The following ZRANB3 variants were observed in gnomAD, a reference collection of about 807,000 sequenced individuals.
ZRANB3 encodes the protein DNA annealing helicase and endonuclease ZRANB3.
ZRANB3 carries 125 observed loss-of-function variants against 133.8 expected under a neutral mutation model. The observed-to-expected ratio is 0.93, with a 90% CI of 0.81 to 1.08. ZRANB3 has a LOEUF of 1.08. Among genes scored for constraint, ZRANB3 ranks in the 50% least tolerant of loss-of-function variants. The pLI, the probability that ZRANB3 is intolerant of heterozygous loss-of-function variation, is 0.00. For synonymous variants in ZRANB3, 387 were observed against 432.7 expected (o/e 0.89, Z 1.31); for missense variants, 1,229 against 1,275.5 (o/e 0.96, Z 0.56).
chr2:135,405,563 G>C (rs1281446991), intron 2 of ZRANB3, among the ~76,000 whole-genome samples: 2 of 152,118 alleles, frequency 1.3e-5, no homozygotes, highest in African/African-American at 2.4e-5. Flanking sequence ...TGACCACATA[G>C]TTGGAAGTAA....
chr2:135,334,710 A>G (rs1279704485), intron 6 of ZRANB3, among the ~76,000 whole-genome samples: 1 of 151,976 alleles, frequency 6.6e-6, no homozygotes, highest in Non-Finnish European at 1.5e-5. Flanking sequence ...CCTGGCTAAC[A>G]TGGTGAAACC....
intron 3 of ZRANB3, among the ~76,000 whole-genome samples, chr2:135,377,792 C>T: frequency 6.6e-6 from 1 of 152,158 alleles, no homozygotes; most frequent in Non-Finnish European, 1.5e-5. Flanking sequence ...CTGAAGGATA[C>T]AAAGTATTGA....
rs145180397 is a variant in ZRANB3 at position 135,343,359 on chromosome 2, A to G, written c.677+2191T>C. ...TTCCTAATGTGAATGCCATTTGCAT[A>G]TAATCAATATATTAGGTTTTTAATG... On this transcript the variant is annotated intron_variant, in intron 6 of 20. Transcript: ENST00000264159. Among the ~76,000 whole-genome samples, 51 of 150,092 alleles carry G rather than the reference A, an allele frequency of 3.4e-4. 2 individuals carry two copies. The highest frequency in any genetic ancestry group is 1.2e-3 in the African/African-American group (46 of 39,446).
Position 135,422,845 on chromosome 2 carries a change from G to A in ZRANB3, c.162-32025C>T, listed in dbSNP as rs565708494. Among the ~76,000 whole-genome samples, 11 of 152,262 alleles carry A rather than the reference G, an allele frequency of 7.2e-5. No homozygotes were observed. The South Asian group carries it at 2.1e-3, about 29-fold the overall frequency. ...GAAGTCTGACTTTCTTCTCTAGAGA[G>A]GCTGAAACAGAGTATTTTAGTTTCC... On this transcript the variant is annotated intron_variant, in intron 2 of 20. Coordinates refer to ENST00000264159, the MANE Select transcript of ZRANB3 (RefSeq NM_032143.4).
At chr2:135,400,903 G>A (rs7578657) in intron 2 of ZRANB3, among the ~76,000 whole-genome samples, 10,504 of 152,184 alleles carry the variant, frequency 0.069, 758 homozygotes, top group African/African-American at 0.19. Flanking sequence ...AAACTTGTAA[G>A]GAACTCAGAA....
At chr2:135,414,993 G>A (rs1445667802) in intron 2 of ZRANB3, among the ~76,000 whole-genome samples, 1 of 151,742 alleles carries the variant, frequency 6.6e-6, no homozygotes, top group East Asian at 1.9e-4. Context: ...ATGCCCACAA[G>A]AGAAAGCAGG....
chr2:135,381,209 T>A (rs149752167), intron 3 of ZRANB3, among the ~76,000 whole-genome samples: 4 of 152,202 alleles, frequency 2.6e-5, no homozygotes, highest in African/African-American at 9.6e-5. Context: ...TTATATCCCA[T>A]GCCTGGCTCG....
chr2:135,514,618 G>C (rs188948824), intron 1 of ZRANB3, among the ~76,000 whole-genome samples: 1 of 151,884 alleles, frequency 6.6e-6, no homozygotes, highest in Non-Finnish European at 1.5e-5. Context: ...CTTCCTATCC[G>C]AATATCTTTT....
intron 6 of ZRANB3, among the ~76,000 whole-genome samples, chr2:135,333,633 G>A (rs1378212908): frequency 1.3e-5 from 2 of 152,120 alleles, no homozygotes; most frequent in Non-Finnish European, 2.9e-5. Flanking sequence ...AGGGACTAGG[G>A]GAGGCGGAAA....
chr2:135,366,474 T>A (rs139918262), intron 3 of ZRANB3, among the ~76,000 whole-genome samples: 1 of 152,038 alleles, frequency 6.6e-6, no homozygotes, highest in Admixed American at 6.6e-5. Flanking sequence ...ATGAGTTGAG[T>A]AGTTTCAAAA....
At chr2:135,342,712 A>G (rs990795266) in intron 6 of ZRANB3, among the ~76,000 whole-genome samples, 2 of 149,442 alleles carry the variant, frequency 1.3e-5, no homozygotes, top group African/African-American at 2.6e-5. Flanking sequence ...TCCAGAGTAC[A>G]GGTAAGCTGT....
intron 2 of ZRANB3, among the ~76,000 whole-genome samples, chr2:135,474,045 G>T (rs1691393977): frequency 6.6e-6 from 1 of 151,980 alleles, no homozygotes; most frequent in African/African-American, 2.4e-5. Flanking sequence ...ACGAAAAATA[G>T]CAGGGTGTGG....
At chr2:135,451,636 A>C (rs1250479053) in intron 2 of ZRANB3, among the ~76,000 whole-genome samples, 3 of 152,272 alleles carry the variant, frequency 2.0e-5, no homozygotes, top group African/African-American at 7.2e-5. Flanking sequence ...AAACAGAAAC[A>C]AAAAATCACA....
At chr2:135,321,860 C>A (rs1683542526) in intron 6 of ZRANB3, among the ~76,000 whole-genome samples, 1 of 152,082 alleles carries the variant, frequency 6.6e-6, no homozygotes, top group South Asian at 2.1e-4. Context: ...ATGTAGTTTA[C>A]AATTTTCTCT....
intron 2 of ZRANB3, among the ~76,000 whole-genome samples, chr2:135,440,690 T>C (rs1559000873): frequency 2.0e-5 from 3 of 152,184 alleles, no homozygotes. Flanking sequence ...ATCCTCCAGA[T>C]GAGAACTCAG....
intron 3 of ZRANB3, among the ~76,000 whole-genome samples, chr2:135,377,993 G>A (rs979476240): frequency 3.3e-5 from 5 of 152,188 alleles, no homozygotes; most frequent in African/African-American, 1.2e-4. Flanking sequence ...TTTCTGCTGT[G>A]CTAGATGCTT....
intron 6 of ZRANB3, among the ~76,000 whole-genome samples, chr2:135,326,830 G>A (rs959543675): frequency 2.7e-5 from 4 of 148,762 alleles, no homozygotes; most frequent in African/African-American, 7.4e-5. Flanking sequence ...AACCTGGGAG[G>A]CAGAGGGTGC....
intron 2 of ZRANB3, among the ~76,000 whole-genome samples, chr2:135,489,323 G>A (rs1188224295): frequency 9.8e-6 from 1 of 102,242 alleles, no homozygotes; most frequent in East Asian, 3.5e-4. Flanking sequence ...TGGGGGGAGG[G>A]GGGAGGGATA....
At chr2:135,420,511 A>G (rs1688795815) in intron 2 of ZRANB3, among the ~76,000 whole-genome samples, 1 of 152,118 alleles carries the variant, frequency 6.6e-6, no homozygotes, top group Non-Finnish European at 1.5e-5. Context: ...ACCATATAAA[A>G]GAATAGGTTG....
Sources: allele counts gnomAD v4.1 joint callset (sites outside exome capture counted in the v4.1 genomes callset), GRCh38; gene constraint gnomAD v4.1.1; transcripts MANE v1.5; gene names NCBI Gene and HGNC (gene_info 2026-07-23, HGNC 2026-07-21).